Variants in PDZD2 observed in about 807,000 individuals in gnomAD.
The protein encoded by PDZD2 is PDZ domain-containing protein 2.
In PDZD2, 90 loss-of-function variants were observed where a neutral mutation model predicts 220.7. The ratio of observed to expected loss-of-function variants is 0.41; its 90% CI spans 0.34 to 0.49. The LOEUF is 0.49. Among genes scored for constraint, PDZD2 ranks in the 20% least tolerant of loss-of-function variants. The probability of loss-of-function intolerance (pLI) is 0.28; values close to 1 mark genes in which losing one functional copy is unlikely to be tolerated. For synonymous variants in PDZD2, 1,375 were observed against 1,450.5 expected (o/e 0.95, Z 1.18); for missense variants, 3,174 against 3,608.5 (o/e 0.88, Z 3.08).
chr5:31,936,358 G>C (rs750127153), intron 2 of PDZD2: 1 of 986,398 alleles, frequency 1.0e-6, no homozygotes, highest in Non-Finnish European at 1.2e-6. Flanking sequence ...TAGGACGGGA[G>C]ACCTGAGTGG....
intron 1 of PDZD2, among the ~76,000 whole-genome samples, chr5:31,708,858 G>T (rs1261114096): frequency 6.6e-6 from 1 of 151,038 alleles, no homozygotes; most frequent in Non-Finnish European, 1.5e-5. Context: ...GATGGCCTGG[G>T]TAGTCCTCAG....
rs532010436 is a variant in PDZD2, at chr5:32,032,148, G to C, written c.1408-5083G>C. Among the ~76,000 whole-genome samples the C allele has an allele frequency of 2.1e-4, 32 of 152,310 alleles. No individual in the cohort carries two copies. The South Asian group carries it at 6.0e-3, about 29-fold the overall frequency. ...TCTTCTTCATTTCTGAAGTAAACGT[G>C]GGGGAGAGCAGGAAGAACTGGGAAG... is the stretch of plus-strand genomic sequence containing the variant. On this transcript the variant is annotated intron_variant, in intron 6 of 24. Coordinates refer to ENST00000438447, the MANE Select transcript of PDZD2 (RefSeq NM_178140.4).
intron 6 of PDZD2, among the ~76,000 whole-genome samples, chr5:32,026,875 C>CTTTTT: frequency 6.6e-6 from 1 of 152,102 alleles, no homozygotes; most frequent in Non-Finnish European, 1.5e-5. Context: ...CTCCACATCC[C>CTTTTT]CTGTTGTTTC....
intron 2 of PDZD2, among the ~76,000 whole-genome samples, chr5:31,912,382 C>T (rs1743288566): frequency 6.6e-6 from 1 of 152,154 alleles, no homozygotes; most frequent in Non-Finnish European, 1.5e-5. Context: ...GGCCCCACCT[C>T]CTAATATCAT....
chr5:31,951,764 G>C (rs995845088), intron 2 of PDZD2, among the ~76,000 whole-genome samples: 1 of 152,158 alleles, frequency 6.6e-6, no homozygotes, highest in Non-Finnish European at 1.5e-5. Flanking sequence ...GAAAAATACG[G>C]TGAATTGGAC....
At chr5:32,037,927 C>T (rs36110370) in intron 7 of PDZD2, among the ~76,000 whole-genome samples, 26,347 of 151,224 alleles carry the variant, frequency 0.17, 2,577 homozygotes, top group Admixed American at 0.22. Context: ...CTACAACCTC[C>T]GCCTCCCGGG....
At chr5:32,022,198 T>TC (rs1346574084) in intron 6 of PDZD2, among the ~76,000 whole-genome samples, 15 of 147,622 alleles carry the variant, frequency 1.0e-4, no homozygotes, top group African/African-American at 3.6e-4. Context: ...TTTTTGTTTT[T>TC]TGTTTTTTTT....
intron 1 of PDZD2, among the ~76,000 whole-genome samples, chr5:31,763,989 C>T (rs866040372): frequency 2.6e-5 from 4 of 151,866 alleles, no homozygotes; most frequent in East Asian, 1.9e-4. Flanking sequence ...TTATTATATA[C>T]GAATGGGATG....
chr5:32,081,049 C>T (rs116594920), intron 19 of PDZD2, among the ~76,000 whole-genome samples: 1,700 of 151,352 alleles, frequency 0.011, 16 homozygotes, highest in Middle Eastern at 0.055. Context: ...AACAAACCTG[C>T]GCATCCTGCA....
In PDZD2 at chr5:32,073,974, C is replaced by T. The variant is rs1233012509; in HGVS notation, c.2868C>T (p.Leu956=). 1 of 1,614,200 alleles carries T rather than the reference C, an allele frequency of 6.2e-7. No homozygotes were observed. The highest frequency in any genetic ancestry group is 1.7e-5 in the Admixed American group (1 of 60,026). The part of the protein sequence containing the change: ...PGSPQALRNP[L]LRQRKVGCYD... ...GCCCACAGGCCCTCCGAAACCCTCT[C>T]CTCCGCCAGAGGAAGGTAGGCTGCT... The change falls in exon 18 of 25, where the codon CTC becomes CTT. Residue 956 remains leucine, a synonymous_variant. Coordinates refer to ENST00000438447, the MANE Select transcript of PDZD2 (RefSeq NM_178140.4).
chr5:31,687,923 A>T (rs1746939416), intron 1 of PDZD2, among the ~76,000 whole-genome samples: 1 of 152,198 alleles, frequency 6.6e-6, no homozygotes, highest in South Asian at 2.1e-4. Flanking sequence ...ATGGTGGGTT[A>T]GGGCTTAAGC....
At chr5:32,025,591 C>CTTTTTTTTTTGTTTTTTTT (rs1754584864) in intron 6 of PDZD2, among the ~76,000 whole-genome samples, 1 of 67,508 alleles carries the variant, frequency 1.5e-5, no homozygotes, top group Non-Finnish European at 2.6e-5. Context: ...AACCATGATG[C>CTTTTTTTTTTGTTTTTTTT]TTTTTTTTTT....
intron 2 of PDZD2, among the ~76,000 whole-genome samples, chr5:31,877,927 G>C (rs1266475422): frequency 6.6e-6 from 1 of 152,096 alleles, no homozygotes; most frequent in African/African-American, 2.4e-5. Flanking sequence ...GACTTCAGGT[G>C]ATCCACCCAC....
At chr5:31,850,225 A>AGT (rs1491568556) in intron 2 of PDZD2, among the ~76,000 whole-genome samples, 42 of 48,432 alleles carry the variant, frequency 8.7e-4, no homozygotes, top group African/African-American at 5.2e-3. Context: ...TATATATATA[A>AGT]GTATATATAT....
At chr5:32,030,022 A>C (rs2112187468) in intron 6 of PDZD2, among the ~76,000 whole-genome samples, 1 of 152,340 alleles carries the variant, frequency 6.6e-6, no homozygotes, top group East Asian at 1.9e-4. Flanking sequence ...GTCCTACTTC[A>C]AGTGCTTTCT....
At chr5:31,847,935 C>T (rs1424699101) in intron 2 of PDZD2, 1 of 458,482 alleles carries the variant, frequency 2.2e-6, no homozygotes, top group Non-Finnish European at 4.3e-6. Context: ...AAACCATTCT[C>T]TCAATACATA....
chr5:31,715,858 T>C (rs1264744207), intron 1 of PDZD2, among the ~76,000 whole-genome samples: 1 of 152,226 alleles, frequency 6.6e-6, no homozygotes, highest in East Asian at 1.9e-4. Context: ...GATTCCTTCA[T>C]CTCTTTGTTT....
chr5:31,818,825 TTTA>T (rs1445458467), intron 2 of PDZD2, among the ~76,000 whole-genome samples: 2 of 152,238 alleles, frequency 1.3e-5, no homozygotes, highest in Non-Finnish European at 2.9e-5. Context: ...ATTTAATTTT[TTTA>T]TGTTAAGATC....
intron 6 of PDZD2, among the ~76,000 whole-genome samples, chr5:32,029,409 G>A (rs1561391944): frequency 1.3e-5 from 2 of 148,876 alleles, no homozygotes; most frequent in South Asian, 4.3e-4. Context: ...TCCTGAGTCA[G>A]AGACAAATGA....
Sources: gnomAD v4.1 joint callset for allele counts (sites outside exome capture counted in the v4.1 genomes callset) on GRCh38, gnomAD v4.1.1 for gene constraint, MANE v1.5 for transcripts, NCBI Gene and HGNC (gene_info 2026-07-23, HGNC 2026-07-21) for gene names.